Variants in MSI2 observed in about 807,000 individuals in gnomAD.
MSI2 encodes RNA-binding protein Musashi homolog 2.
Under a neutral mutation model 45.6 loss-of-function variants are expected in MSI2, and 17 were observed. The ratio of observed to expected loss-of-function variants is 0.37; its 90% CI spans 0.26 to 0.56. The LOEUF (loss-of-function observed/expected upper bound fraction) is 0.56, where lower values mean the gene tolerates loss of function less well. Among genes scored for constraint, MSI2 ranks in the 20% least tolerant of loss-of-function variants. The pLI, the probability that MSI2 is intolerant of heterozygous loss-of-function variation, is 0.77. For missense variants in MSI2, 293 were observed against 444.2 expected, an observed-to-expected ratio of 0.66 and a Z score of 3.06; for synonymous variants, 156 against 158.2, an observed-to-expected ratio of 0.99 and a Z score of 0.11.
At chr17:57,658,162 TG>T (rs1911740750) in intron 11 of MSI2, among the ~76,000 whole-genome samples, 1 of 152,204 alleles carries the variant, frequency 6.6e-6, no homozygotes, top group Non-Finnish European at 1.5e-5. Context: ...AAGCATCCTC[TG>T]GGGGCTGTGG....
At chr17:57,638,288 G>A (rs1170529315) in intron 10 of MSI2, among the ~76,000 whole-genome samples, 1 of 152,152 alleles carries the variant, frequency 6.6e-6, no homozygotes, top group Non-Finnish European at 1.5e-5. Context: ...ACCCAGCTGG[G>A]TCACTGCCTC....
At chr17:57,296,956 G>T (rs185682241) in intron 5 of MSI2, among the ~76,000 whole-genome samples, 2 of 152,120 alleles carry the variant, frequency 1.3e-5, no homozygotes, top group African/African-American at 4.8e-5. Context: ...CTCACTGCAA[G>T]CTCTGCCTCC....
intron 11 of MSI2, among the ~76,000 whole-genome samples, chr17:57,667,467 G>T (rs1433621675): frequency 6.6e-6 from 1 of 152,138 alleles, no homozygotes; most frequent in African/African-American, 2.4e-5. Context: ...GTCTGGTGAA[G>T]CCTGGCAGAT....
At chr17:57,382,902 T>C (rs1299526938) in intron 5 of MSI2, among the ~76,000 whole-genome samples, 1 of 152,224 alleles carries the variant, frequency 6.6e-6, no homozygotes, top group African/African-American at 2.4e-5. Context: ...TCTAGGCATC[T>C]CTTTGTGCAG....
At chr17:57,650,288 A>C (rs1449298860) in intron 10 of MSI2, among the ~76,000 whole-genome samples, 1 of 151,860 alleles carries the variant, frequency 6.6e-6, no homozygotes, top group South Asian at 2.1e-4. Context: ...AGGAGTGCAA[A>C]GGAATGACTC....
chr17:57,622,976 C>T (rs772443457), intron 9 of MSI2, among the ~76,000 whole-genome samples: 10 of 152,096 alleles, frequency 6.6e-5, no homozygotes, highest in Admixed American at 2.0e-4. Context: ...CGCCTGTGCA[C>T]GGTAGCTGCT....
At chr17:57,278,936 C>G (rs1030348402) in intron 5 of MSI2, 1 of 152,186 alleles carries the variant, frequency 6.6e-6, no homozygotes, top group Non-Finnish European at 1.5e-5. Context: ...GCCCTTTGGC[C>G]ACTGCAGACG....
intron 6 of MSI2, among the ~76,000 whole-genome samples, chr17:57,525,346 G>A (rs1248485349): frequency 2.0e-5 from 3 of 152,162 alleles, no homozygotes; most frequent in Non-Finnish European, 4.4e-5. Context: ...GTGCAGTGGT[G>A]CAGTCATGGT....
At chr17:57,537,001 A>AT (rs2086934452) in intron 7 of MSI2, among the ~76,000 whole-genome samples, 2 of 152,158 alleles carry the variant, frequency 1.3e-5, no homozygotes, top group African/African-American at 4.8e-5. Flanking sequence ...ACTCAATATG[A>AT]TTGAGTCCAA....
At chr17:57,472,790 G>A (rs183823203) in intron 6 of MSI2, among the ~76,000 whole-genome samples, 3 of 152,276 alleles carry the variant, frequency 2.0e-5, no homozygotes, top group Admixed American at 2.0e-4. Context: ...GTCACACGGA[G>A]CTACCTTCTA....
At chr17:57,453,116 G>T (rs1211213231) in intron 6 of MSI2, among the ~76,000 whole-genome samples, 1 of 150,194 alleles carries the variant, frequency 6.7e-6, no homozygotes, top group African/African-American at 2.5e-5. Context: ...TGATTCTGCC[G>T]CAGCCTCCCG....
At chr17:57,387,224 G>A (rs1361564428) in intron 5 of MSI2, among the ~76,000 whole-genome samples, 1 of 152,170 alleles carries the variant, frequency 6.6e-6, no homozygotes, top group Non-Finnish European at 1.5e-5. Flanking sequence ...AAATAGAACA[G>A]ACATCATGGC....
chr17:57,583,494 T>TTTTTTTC (rs1466362228), intron 7 of MSI2, among the ~76,000 whole-genome samples: 2 of 148,612 alleles, frequency 1.3e-5, no homozygotes, highest in African/African-American at 2.5e-5. Context: ...GTTTCTTTTT[T>TTTTTTTC]TTTTTTTTTT....
chr17:57,339,185 G>A (rs1364936851), intron 5 of MSI2, among the ~76,000 whole-genome samples: 1 of 152,174 alleles, frequency 6.6e-6, no homozygotes, highest in East Asian at 1.9e-4. Context: ...CCTGGGAAAG[G>A]CAAGCAGCCC....
intron 7 of MSI2, among the ~76,000 whole-genome samples, chr17:57,564,235 T>C (rs1567902945): frequency 6.6e-6 from 1 of 152,126 alleles, no homozygotes; most frequent in African/African-American, 2.4e-5. Flanking sequence ...GGAGCTAACA[T>C]ATTTATGGGC....
intron 10 of MSI2, among the ~76,000 whole-genome samples, chr17:57,642,540 C>T (rs942899847): frequency 6.6e-6 from 1 of 152,194 alleles, no homozygotes; most frequent in Admixed American, 6.5e-5. Flanking sequence ...GCCACGGCCT[C>T]CTTTAGCCCA....
chr17:57,478,696 C>T (rs16958488), intron 6 of MSI2, among the ~76,000 whole-genome samples: 2,153 of 152,178 alleles, frequency 0.014, 48 homozygotes, highest in African/African-American at 0.049. Context: ...TTCTCAGAGT[C>T]GGAAGGAATT....
chr17:57,393,638 C>T (rs1015355981), intron 5 of MSI2, among the ~76,000 whole-genome samples: 3 of 152,080 alleles, frequency 2.0e-5, no homozygotes, highest in East Asian at 1.9e-4. Flanking sequence ...TACTAAGGAG[C>T]GGAATTGCTG....
chr17:57,433,821 G>A (rs1431097518), intron 6 of MSI2, among the ~76,000 whole-genome samples: 2 of 152,174 alleles, frequency 1.3e-5, no homozygotes, highest in East Asian at 1.9e-4. Flanking sequence ...GTACTGTTGC[G>A]TGTTCCTCTG....
Sources: allele counts gnomAD v4.1 joint callset (sites outside exome capture counted in the v4.1 genomes callset), GRCh38; gene constraint gnomAD v4.1.1; transcripts MANE v1.5; gene names NCBI Gene and HGNC (gene_info 2026-07-23, HGNC 2026-07-21).